PTPRD: variants seen among roughly 807,000 people sequenced by gnomAD.
The protein encoded by PTPRD is receptor-type tyrosine-protein phosphatase delta.
Under a neutral mutation model 214.5 loss-of-function variants are expected in PTPRD, and 34 were observed. The observed-to-expected ratio is 0.16, with a 90% confidence interval of 0.12 to 0.21. The LOEUF is 0.21. PTPRD is among the 10% of genes least tolerant of loss of function. The probability of loss-of-function intolerance (pLI) is 1.00; values close to 1 mark genes in which losing one functional copy is unlikely to be tolerated. For synonymous variants in PTPRD, 1,128 were observed against 845.7 expected, an observed-to-expected ratio of 1.33 and a Z score of -5.79; for missense variants, 2,545 against 2,398.7, an observed-to-expected ratio of 1.06 and a Z score of -1.27.
chr9:8,775,746 G>A lies in PTPRD; in HGVS notation c.-103-41800C>T, dbSNP rs190832877. On this transcript the variant is annotated intron_variant, in intron 11 of 45. Transcript: ENST00000381196. Reference sequence around the variant, plus strand: ...CACCTGTAATCCCAGCACTTTGGGAGGCCAAGGCAGGAGGATTACTTGAGC... The same window carrying A: ...CACCTGTAATCCCAGCACTTTGGGAAGCCAAGGCAGGAGGATTACTTGAGC... 4.5e-3 allele frequency among the ~76,000 whole-genome samples: 686 copies of A among 152,118 alleles called. 7 individuals carry two copies. The highest frequency in any genetic ancestry group is 0.016 in the African/African-American group (673 of 41,494).
intron 8 of PTPRD, 23 bp downstream of exon 8, chr9:9,574,709 A>C (rs991911527): frequency 6.6e-6 from 1 of 152,080 alleles, no homozygotes; most frequent in Non-Finnish European, 1.5e-5. Flanking sequence ...CTCTAAAATT[A>C]GGTAAATTAA....
intron 7 of PTPRD, among the ~76,000 whole-genome samples, chr9:9,685,425 T>C (rs1292077164): frequency 1.3e-5 from 2 of 151,318 alleles, no homozygotes; most frequent in Admixed American, 6.6e-5. Context: ...CAATTGAGAG[T>C]AAAAATATTT....
intron 9 of PTPRD, among the ~76,000 whole-genome samples, chr9:9,335,205 A>T (rs1328939678): frequency 6.6e-6 from 1 of 152,038 alleles, no homozygotes; most frequent in East Asian, 1.9e-4. Flanking sequence ...TTAAAAAGTC[A>T]TTGTCATTCC....
At chr9:10,474,879 T>C (rs2099053025) in intron 2 of PTPRD, among the ~76,000 whole-genome samples, 1 of 152,136 alleles carries the variant, frequency 6.6e-6, no homozygotes, top group South Asian at 2.1e-4. Context: ...TGCTCCTGAA[T>C]GACTACTCGG....
At chr9:8,780,838 C>G (rs1477833016) in intron 11 of PTPRD, among the ~76,000 whole-genome samples, 1 of 152,152 alleles carries the variant, frequency 6.6e-6, no homozygotes, top group Non-Finnish European at 1.5e-5. Context: ...AAAATAATCT[C>G]GGAAGTGGTT....
intron 3 of PTPRD, among the ~76,000 whole-genome samples, chr9:10,295,526 C>G (rs2095649247): frequency 6.6e-6 from 1 of 152,050 alleles, no homozygotes; most frequent in African/African-American, 2.4e-5. Flanking sequence ...CTTAGGTTCT[C>G]CGATTACTCC....
chr9:10,241,703 GT>G (rs1595116038), intron 3 of PTPRD, among the ~76,000 whole-genome samples: 1 of 151,856 alleles, frequency 6.6e-6, no homozygotes, highest in East Asian at 1.9e-4. Flanking sequence ...TGGAGGAACG[GT>G]TATTATAAAG....
intron 14 of PTPRD, among the ~76,000 whole-genome samples, chr9:8,589,536 T>C (rs189850419): frequency 6.6e-6 from 1 of 152,212 alleles, no homozygotes; most frequent in Non-Finnish European, 1.5e-5. Context: ...ATTAACCATG[T>C]TGAAAACAAG....
At chr9:9,986,169 A>C (rs2095703548) in intron 4 of PTPRD, among the ~76,000 whole-genome samples, 1 of 152,152 alleles carries the variant, frequency 6.6e-6, no homozygotes, top group Non-Finnish European at 1.5e-5. Context: ...GAGATATAAA[A>C]ATTGGTACAA....
At chr9:10,194,778 A>T (rs966087515) in intron 3 of PTPRD, among the ~76,000 whole-genome samples, 3 of 152,108 alleles carry the variant, frequency 2.0e-5, no homozygotes, top group African/African-American at 7.2e-5. Flanking sequence ...CATTGATTAC[A>T]ACAGCTGACA....
chr9:9,566,985 T>C (rs958019174), intron 8 of PTPRD, among the ~76,000 whole-genome samples: 5 of 152,038 alleles, frequency 3.3e-5, no homozygotes, highest in Non-Finnish European at 7.4e-5. Flanking sequence ...GGCACCAATT[T>C]TACCCTCAAA....
At chr9:8,961,411 A>G (rs2154318423) in intron 11 of PTPRD, among the ~76,000 whole-genome samples, 1 of 152,212 alleles carries the variant, frequency 6.6e-6, no homozygotes, top group Middle Eastern at 3.4e-3. Flanking sequence ...GAAATGACTG[A>G]CCTTGATCCT....
chr9:10,570,569 TAC>T (rs745717432), intron 2 of PTPRD, among the ~76,000 whole-genome samples: 40 of 150,244 alleles, frequency 2.7e-4, no homozygotes, highest in South Asian at 4.2e-4. Flanking sequence ...TGCACACACA[TAC>T]ACACACACAC....
At chr9:9,388,499 A>G (rs572823628) in intron 9 of PTPRD, among the ~76,000 whole-genome samples, 1 of 152,292 alleles carries the variant, frequency 6.6e-6, no homozygotes, top group South Asian at 2.1e-4. Context: ...ATGAACTAGG[A>G]CTGTCCAAGT....
chr9:8,325,066 TA>T (rs1040662117), intron 44 of PTPRD, among the ~76,000 whole-genome samples: 1 of 149,438 alleles, frequency 6.7e-6, no homozygotes, highest in African/African-American at 2.5e-5. Context: ...ACTCTGATGG[TA>T]GTTTTTTATG....
chr9:10,287,767 A>G (rs1221479773), intron 3 of PTPRD, among the ~76,000 whole-genome samples: 4 of 151,992 alleles, frequency 2.6e-5, no homozygotes, highest in African/African-American at 7.2e-5. Context: ...CTTCTTTAAT[A>G]CATTAACTAG....
rs561072335 is a variant in PTPRD at position 9,214,679 on chromosome 9, C to T, written c.-202-31316G>A. Among the ~76,000 whole-genome samples, 125 of 152,154 alleles carry T rather than the reference C, an allele frequency of 8.2e-4. 2 individuals carry two copies. In the Middle Eastern group the frequency reaches 0.014, roughly 17 times the overall value. ...TTTAAACTTTTAGAGAAGATAAAAA[C>T]GCCAATATTTTTATCTAGCCCTTCT... On this transcript the variant is annotated intron_variant, in intron 9 of 45. Transcript: ENST00000381196.
chr9:9,033,320 C>G lies in PTPRD; in HGVS notation c.-142-14585G>C, dbSNP rs139078979. ...CCAAAGTCTCATAAAGAGGAGGAAA[C>G]ACAGGCCTAAGAATTAGCTGACTTG... On this transcript the variant is annotated intron_variant, in intron 10 of 45. Coordinates refer to ENST00000381196, the MANE Select transcript of PTPRD (RefSeq NM_002839.4). Among the ~76,000 whole-genome samples, 533 of 152,112 alleles carry G rather than the reference C, an allele frequency of 3.5e-3. 1 individual carries two copies. Among genetic ancestry groups the G allele is most frequent in the South Asian group, 0.017 (82 of 4,816 alleles).
chr9:8,587,924 C>T (rs914541548), intron 14 of PTPRD, among the ~76,000 whole-genome samples: 1 of 152,164 alleles, frequency 6.6e-6, no homozygotes, highest in Admixed American at 6.5e-5. Flanking sequence ...ATAATCAAGT[C>T]ACGAGAATTA....
Sources: allele counts gnomAD v4.1 joint callset (sites outside exome capture counted in the v4.1 genomes callset), GRCh38; gene constraint gnomAD v4.1.1; transcripts MANE v1.5; gene names NCBI Gene and HGNC (gene_info 2026-07-23, HGNC 2026-07-21).